The following MTERF4 variants were observed in gnomAD, a reference collection of about 807,000 sequenced individuals.
MTERF4 encodes the protein transcription termination factor 4, mitochondrial.
In MTERF4, 17 loss-of-function variants were observed where a neutral mutation model predicts 22.5. The ratio of observed to expected loss-of-function variants is 0.75; its 90% confidence interval spans 0.52 to 1.13. The LOEUF (loss-of-function observed/expected upper bound fraction) is 1.13. MTERF4 is among the 50% of genes most tolerant of loss of function. MTERF4 has a pLI of 0.00. For synonymous variants in MTERF4, 165 were observed against 175.3 expected (o/e 0.94, Z 0.47); for missense variants, 420 against 466.8 (o/e 0.90, Z 0.92).
chr2:241,075,541 T>C lies in MTERF4; in HGVS notation n.621A>G, dbSNP rs1263356518. ...GAAATGCCTGATCACGCCTTTTGAC[T>C]TTATGTTGGGTTATTTGTACTCTTT... On this transcript the variant is annotated non_coding_transcript_exon_variant, in exon 5 of 5. Transcript: ENST00000464344. The surrounding 1 kb of genome is among the most constrained non-coding windows in gnomAD (Gnocchi z 4.8). 1 of 152,176 alleles carries C rather than the reference T, an allele frequency of 6.6e-6. No homozygotes were observed. Among genetic ancestry groups the C allele is most frequent in the East Asian group, 1.9e-4 (1 of 5,194 alleles). The allele number at this position is 152,176 out of a possible 1,614,324, so 9.4% of individuals were successfully genotyped here.
chr2:241,043,760 A>G, the MTERF4 span, among the ~76,000 whole-genome samples: 824 of 152,356 alleles, frequency 5.4e-3, 7 homozygotes, highest in African/African-American at 0.019. Context: ...TTTGTGAGCC[A>G]TATGGTCTCT....
exon 5 of MTERF4, chr2:241,074,287 TC>T (rs11319289): frequency 0.55 from 83,269 of 150,226 alleles, 24,860 homozygotes; most frequent in African/African-American, 0.81. Flanking sequence ...AAGTTCACCA[TC>T]CCCCCCCCGC....
At position 241,096,427 on chromosome 2, in the gene MTERF4, G is replaced by A. The variant is rs1282798208; in HGVS notation, c.717C>T (p.Phe239=). The part of the protein sequence containing the change: ...QLEYKFQYAY[F]RMGIKHPDIV... ...TGTCTGGATGCTTAATTCCCATCCT[G>A]AAGTATGCATACTGGAAGACACAAA... The change falls in exon 4 of 4, where the codon TTC becomes TTT. Residue 239 remains phenylalanine (F), a synonymous_variant. Coordinates refer to ENST00000391980, the MANE Select transcript of MTERF4 (RefSeq NM_182501.4). The surrounding 1 kb of genome is among the most constrained non-coding windows in gnomAD (Gnocchi z 5.1). 1.9e-6 allele frequency: 3 copies of A among 1,613,758 alleles called. No homozygotes were observed. The highest frequency in any genetic ancestry group is 2.7e-5 in the African/African-American group (2 of 74,898).
At position 241,097,409 on chromosome 2, in the gene MTERF4, A is replaced by G. The variant is rs770534270; in HGVS notation, c.539T>C (p.Leu180Pro). The stretch of plus-strand genomic sequence containing the variant: ...GGTGAAAATTTCAGGGCAACAGTAA[A>G]GCACCCTCTTTAATTTCCCTGCAGA... The part of the protein sequence containing the change: ...GLGEGKLKRV[L>P]YCCPEIFTMR... The change falls in exon 3 of 4, where the codon CTT becomes CCT. Residue 180 changes from leucine to proline, a missense_variant. Coordinates refer to ENST00000391980, the MANE Select transcript of MTERF4 (RefSeq NM_182501.4). The G allele has an allele frequency of 6.2e-7, 1 of 1,613,710 alleles. No homozygotes were observed. Among genetic ancestry groups the G allele is most frequent in the Non-Finnish European group, 8.5e-7 (1 of 1,179,684 alleles).
downstream of MTERF4, chr2:241,088,705 G>A (rs1239540454): frequency 5.0e-6 from 2 of 403,846 alleles, no homozygotes; most frequent in Non-Finnish European, 8.8e-6. Flanking sequence ...CCCTAGATCA[G>A]CTGCAGTGGG....
the MTERF4 span, chr2:241,048,603 G>A: frequency 6.6e-7 from 1 of 1,525,770 alleles, no homozygotes; most frequent in Non-Finnish European, 8.9e-7. Context: ...AGGGTCTGGA[G>A]CGAGGGTGCC....
At chr2:241,072,383 C>G (rs914491206) in exon 5 of MTERF4, 1 of 366,166 alleles carries the variant, frequency 2.7e-6, no homozygotes, top group Non-Finnish European at 5.4e-6. Context: ...GAGTGCCGCT[C>G]TGGGAATCTG....
At chr2:241,052,042 G>A in the MTERF4 span, 94 of 1,613,524 alleles carry the variant, frequency 5.8e-5, no homozygotes, top group African/African-American at 1.1e-3. Context: ...TGTTTCCAGG[G>A]AAGCCAGACT....
chr2:241,081,025 T>C (rs925030379), intron 4 of MTERF4, among the ~76,000 whole-genome samples: 1 of 152,112 alleles, frequency 6.6e-6, no homozygotes, highest in African/African-American at 2.4e-5. Flanking sequence ...GTGGGGACTT[T>C]TTTCTGGGTT....
the MTERF4 span, chr2:241,053,289 G>A: frequency 6.3e-7 from 1 of 1,599,018 alleles, no homozygotes. Context: ...GGGTCTGCCA[G>A]CCACACGGTG....
chr2:241,051,916 G>A, the MTERF4 span: 8 of 1,496,534 alleles, frequency 5.3e-6, no homozygotes, highest in Non-Finnish European at 7.2e-6. This position sits in a 1 kb window ranked among gnomAD's most constrained non-coding sequence, Gnocchi z 4.7. Context: ...CCCTGAGCTG[G>A]GGCCCCTGAT....
At chr2:241,065,783 G>A in the MTERF4 span, among the ~76,000 whole-genome samples, 3 of 152,206 alleles carry the variant, frequency 2.0e-5, no homozygotes, top group Non-Finnish European at 2.9e-5. Flanking sequence ...GAGTGGCCTT[G>A]GGTCCACAAG....
chr2:241,079,470 T>C (rs1410351527), intron 4 of MTERF4, among the ~76,000 whole-genome samples: 3 of 151,482 alleles, frequency 2.0e-5, no homozygotes, highest in Non-Finnish European at 4.4e-5. Context: ...GTCTTTTGTG[T>C]AGGAAAATGG....
At position 241,102,266 on chromosome 2, in the gene MTERF4, G is replaced by A. The variant is rs1222592453; in HGVS notation, c.8C>T (p.Ala3Val). 5.2e-6 allele frequency: 8 copies of A among 1,549,478 alleles called. No individual in the cohort carries two copies. The Admixed American group carries it at 5.9e-5, about 11-fold the overall frequency. Residue 3 changes from alanine to valine, a missense_variant, in exon 1 of 4, where the codon GCG becomes GTG. Coordinates refer to ENST00000391980, the MANE Select transcript of MTERF4 (RefSeq NM_182501.4). MA[A>V]FGRQVLDWHR... ...GCTCGAGCTTACCTGACGGCCGAAC[G>A]CAGCCATAGCGCGGAGAAGATGGCA... is the stretch of plus-strand genomic sequence containing the variant.
chr2:241,090,330 G>A (rs2125348096), downstream of MTERF4: 2 of 1,550,212 alleles, frequency 1.3e-6, no homozygotes, highest in East Asian at 4.9e-5. Context: ...TCGTGTCCCA[G>A]TAACACACAT....
At chr2:241,088,522 C>T (rs529117590), downstream of MTERF4, 18 of 800,834 alleles carry the variant, frequency 2.2e-5, 1 homozygote, top group African/African-American at 8.5e-5. Flanking sequence ...AAAGGAAGCG[C>T]GGTCCTGTGC....
At chr2:241,082,523 T>C (rs920175781), downstream of MTERF4, among the ~76,000 whole-genome samples, 4 of 152,132 alleles carry the variant, frequency 2.6e-5, no homozygotes, top group Admixed American at 6.5e-5. Context: ...TGTCACAAAT[T>C]AGGCAGCTGA....
chr2:241,084,369 G>A (rs550449835), downstream of MTERF4, among the ~76,000 whole-genome samples: 22 of 152,208 alleles, frequency 1.4e-4, no homozygotes, highest in African/African-American at 4.1e-4. Flanking sequence ...GGCCAGGCTG[G>A]TCTCAAACTC....
downstream of MTERF4, among the ~76,000 whole-genome samples, chr2:241,068,481 C>T (rs1033377341): frequency 1.3e-5 from 2 of 151,986 alleles, no homozygotes; most frequent in Non-Finnish European, 1.5e-5. The surrounding 1 kb of genome is among the most constrained non-coding windows in gnomAD (Gnocchi z 5.3). Flanking sequence ...GATCGGAGAG[C>T]GAGTGGGAAG....
Sources: allele counts gnomAD v4.1 joint callset (sites outside exome capture counted in the v4.1 genomes callset), GRCh38; gene constraint gnomAD v4.1.1; non-coding constraint Gnocchi (gnomAD v3.1); transcripts MANE v1.5; gene names NCBI Gene and HGNC (gene_info 2026-07-23, HGNC 2026-07-21).